Variants in KIF13A observed in about 807,000 individuals in gnomAD.
KIF13A encodes kinesin-like protein KIF13A.
Under a neutral mutation model 212.2 loss-of-function variants are expected in KIF13A, and 79 were observed. The ratio of observed to expected loss-of-function variants is 0.37; its 90% CI spans 0.31 to 0.45. KIF13A has a LOEUF of 0.45. Among genes scored for constraint, KIF13A ranks in the 20% least tolerant of loss-of-function variants. The pLI is 1.00. For synonymous variants in KIF13A, 789 were observed against 808.6 expected (o/e 0.98, Z 0.41); for missense variants, 1,901 against 2,209.0 (o/e 0.86, Z 2.79).
intron 3 of KIF13A, among the ~76,000 whole-genome samples, chr6:17,879,191 T>C (rs145655632): frequency 1.8e-4 from 27 of 152,334 alleles, no homozygotes; most frequent in African/African-American, 5.1e-4. Context: ...CTGATTTACA[T>C]ACGGTCCTGT....
chr6:17,863,406 GA>G (rs945391876), intron 4 of KIF13A, among the ~76,000 whole-genome samples: 21 of 148,368 alleles, frequency 1.4e-4, no homozygotes, highest in Middle Eastern at 3.4e-3. Flanking sequence ...AGGGTACAGG[GA>G]AAAAAAAAAC....
chr6:17,952,974 A>G (rs1186786894), intron 2 of KIF13A, among the ~76,000 whole-genome samples: 2 of 151,494 alleles, frequency 1.3e-5, no homozygotes, highest in African/African-American at 4.8e-5. Flanking sequence ...AGAGAGGAAG[A>G]GGAGAAGAAG....
downstream of KIF13A, chr6:17,760,776 G>C: frequency 1.4e-6 from 2 of 1,429,618 alleles, no homozygotes; most frequent in South Asian, 1.1e-5. Flanking sequence ...GCATGTTTTA[G>C]AGATGGGGCT....
At position 17,885,088 on chromosome 6, in the gene KIF13A, T is replaced by C. The variant is rs140080846; in HGVS notation, c.160-11651A>G. On this transcript the variant is annotated intron_variant, in intron 3 of 38. Coordinates refer to ENST00000259711, the MANE Select transcript of KIF13A (RefSeq NM_022113.6). ...AATGCTTTTCTCTTTTTCATCTTTC[T>C]CCTGATATCAAAGTTGTGAAGATTC... Among the ~76,000 whole-genome samples the C allele has an allele frequency of 7.0e-3, 1,059 of 152,062 alleles. 11 individuals carry two copies. Among genetic ancestry groups the C allele is most frequent in the African/African-American group, 0.024 (1,000 of 41,490 alleles).
chr6:17,919,270 T>G lies in KIF13A; in HGVS notation c.147-21090A>C, dbSNP rs1219105061. Among the ~76,000 whole-genome samples, 1 of 152,164 alleles carries G rather than the reference T, an allele frequency of 6.6e-6. No individual in the cohort carries two copies. The highest frequency in any genetic ancestry group is 1.9e-4 in the East Asian group (1 of 5,188). On this transcript the variant is annotated intron_variant, in intron 2 of 38. Transcript: ENST00000259711. This position sits in a 1 kb window ranked among gnomAD's most constrained non-coding sequence, Gnocchi z 4.1. ...AACATCACAGCACATCACAAAACAGTAGAAAGTATCCCTCTTCAACAATTA... is the reference window on the plus strand; with the variant it reads ...AACATCACAGCACATCACAAAACAGGAGAAAGTATCCCTCTTCAACAATTA...
chr6:17,877,552 T>C (rs1297121848), intron 3 of KIF13A, among the ~76,000 whole-genome samples: 1 of 152,230 alleles, frequency 6.6e-6, no homozygotes. Context: ...CTCCCTTTAA[T>C]GGCATCTTAT....
At chr6:17,948,556 A>AG (rs1777596129) in intron 2 of KIF13A, among the ~76,000 whole-genome samples, 1 of 82,268 alleles carries the variant, frequency 1.2e-5, no homozygotes, top group Non-Finnish European at 2.4e-5. Context: ...ACATCCATTT[A>AG]CTTTTTTTTT....
At chr6:17,974,928 G>A (rs1239418828) in intron 2 of KIF13A, among the ~76,000 whole-genome samples, 1 of 152,226 alleles carries the variant, frequency 6.6e-6, no homozygotes, top group Non-Finnish European at 1.5e-5. Flanking sequence ...ACATTGGACA[G>A]TGAAGATATA....
intron 4 of KIF13A, among the ~76,000 whole-genome samples, chr6:17,865,800 A>T (rs1257055545): frequency 1.3e-5 from 2 of 152,190 alleles, no homozygotes; most frequent in African/African-American, 4.8e-5. Context: ...CATGAGGGTA[A>T]TAGACCACGG....
At chr6:17,946,084 T>C (rs971144335) in intron 2 of KIF13A, among the ~76,000 whole-genome samples, 6 of 152,186 alleles carry the variant, frequency 3.9e-5, no homozygotes, top group African/African-American at 1.4e-4. Context: ...TGTATGCGCT[T>C]AGAGAAGAAC....
intron 35 of KIF13A, 29 bp downstream of exon 35, chr6:17,774,986 A>G (rs1473944315): frequency 2.5e-6 from 4 of 1,590,586 alleles, no homozygotes; most frequent in Non-Finnish European, 3.4e-6. Flanking sequence ...GATTCTACTA[A>G]AAACCTAGCC....
chr6:17,779,989 G>A (rs1420424263), intron 31 of KIF13A, among the ~76,000 whole-genome samples: 3 of 150,718 alleles, frequency 2.0e-5, no homozygotes, highest in East Asian at 2.0e-4. Flanking sequence ...CTCGTGATCC[G>A]CCCGCCTTGG....
intron 20 of KIF13A, among the ~76,000 whole-genome samples, chr6:17,801,545 C>G (rs935477702): frequency 3.9e-5 from 6 of 152,138 alleles, no homozygotes; most frequent in Non-Finnish European, 1.5e-5. Flanking sequence ...CAACAAAACT[C>G]ACTAATAACA....
chr6:17,809,055 C>G lies in KIF13A; in HGVS notation c.2001-125G>C. 1 of 866,112 alleles carries G rather than the reference C, an allele frequency of 1.2e-6. No individual in the cohort carries two copies. Among genetic ancestry groups the G allele is most frequent in the Non-Finnish European group, 1.7e-6 (1 of 584,308 alleles). The allele number at this position is 866,112 out of a possible 1,614,324, so 53.7% of individuals were successfully genotyped here. A position where few individuals can be genotyped will look rare whatever the true frequency, so the allele number is the denominator to read the frequency against. ...GGGCAGTATTTTTCAAACTATTTTA[C>G]CAGACTACCTCTCATCCTTCCCTCC... is the stretch of plus-strand genomic sequence containing the variant. On this transcript the variant is annotated intron_variant, in intron 17 of 38. Transcript: ENST00000259711. This position sits in a 1 kb window ranked among gnomAD's most constrained non-coding sequence, Gnocchi z 4.7.
chr6:17,767,896 A>T (rs945962283), intron 38 of KIF13A, among the ~76,000 whole-genome samples: 1 of 152,224 alleles, frequency 6.6e-6, no homozygotes, highest in Non-Finnish European at 1.5e-5. Context: ...CTCAAGGATT[A>T]GAATGACATT....
chr6:17,898,262 A>G lies in KIF13A; in HGVS notation c.147-82T>C. 1 of 1,332,458 alleles carries G rather than the reference A, an allele frequency of 7.5e-7. No homozygotes were observed. The highest frequency in any genetic ancestry group is 1.3e-5 in the South Asian group (1 of 79,392). The allele number at this position is 1,332,458 out of a possible 1,614,324, so 82.5% of individuals were successfully genotyped here. A position where few individuals can be genotyped will look rare whatever the true frequency, so the allele number is the denominator to read the frequency against. On this transcript the variant is annotated intron_variant, in intron 2 of 38. Coordinates refer to ENST00000259711, the MANE Select transcript of KIF13A (RefSeq NM_022113.6). This position sits in a 1 kb window ranked among gnomAD's most constrained non-coding sequence, Gnocchi z 5.2. ...GCAGCCACATCAGAGGGAAACAATG[A>G]AAGAGAAAAAAATAAGGTAAATTCA...
intron 2 of KIF13A, among the ~76,000 whole-genome samples, chr6:17,925,770 G>T (rs1775443661): frequency 6.6e-6 from 1 of 152,176 alleles, no homozygotes; most frequent in African/African-American, 2.4e-5. Context: ...GAATTGGGGG[G>T]CTACCAGAGT....
Position 17,772,024 on chromosome 6 carries a change from T to TGACG in KIF13A, c.4356_4359dup (p.Ser1454ArgfsTer5). The TGACG allele has an allele frequency of 6.2e-7, 1 of 1,613,958 alleles. No homozygotes were observed. Among genetic ancestry groups the TGACG allele is most frequent in the Non-Finnish European group, 8.5e-7 (1 of 1,179,856 alleles). On this transcript the variant is annotated frameshift_variant, in exon 37 of 39. Transcript: ENST00000259711. LOFTEE classifies it high-confidence loss of function. The surrounding 1 kb of genome is among the most constrained non-coding windows in gnomAD (Gnocchi z 4.8). ...TGAGGAGAGAATGCTTTAAAAGGGC[T>TGACG]GACGGTTAAGGCATGAGGAGTCTCT... is the stretch of plus-strand genomic sequence containing the variant.
At chr6:17,974,143 G>A (rs982960284) in intron 2 of KIF13A, among the ~76,000 whole-genome samples, 2 of 152,074 alleles carry the variant, frequency 1.3e-5, no homozygotes, top group African/African-American at 2.4e-5. Context: ...GTGCAATGGC[G>A]TGATCTCAGC....
Sources: gnomAD v4.1 joint callset for allele counts (sites outside exome capture counted in the v4.1 genomes callset) on GRCh38, gnomAD v4.1.1 for gene constraint, Gnocchi (gnomAD v3.1) non-coding constraint, MANE v1.5 for transcripts, NCBI Gene and HGNC (gene_info 2026-07-23, HGNC 2026-07-21) for gene names.